MAP4: variants seen among roughly 807,000 people sequenced by gnomAD.
MAP4 encodes microtubule-associated protein 4.
Under a neutral mutation model 170.2 loss-of-function variants are expected in MAP4, and 76 were observed. That is an observed-to-expected ratio of 0.45 (90% CI 0.37 to 0.54). MAP4 has a LOEUF of 0.54. MAP4 is among the 20% of genes least tolerant of loss of function. The pLI is 0.00. For missense variants in MAP4, 2,506 were observed against 2,748.0 expected (o/e 0.91, Z 1.97); for synonymous variants, 909 against 994.5 (o/e 0.91, Z 1.62).
chr3:47,904,826 T>C (rs2100032027), intron 9 of MAP4, among the ~76,000 whole-genome samples: 1 of 151,492 alleles, frequency 6.6e-6, no homozygotes. Context: ...TGCAACATCA[T>C]GCGTGGCTAC....
intron 1 of MAP4, among the ~76,000 whole-genome samples, chr3:48,035,888 C>T (rs1284294680): frequency 2.0e-5 from 3 of 151,928 alleles, no homozygotes; most frequent in Non-Finnish European, 2.9e-5. Flanking sequence ...TGCAGTGAGC[C>T]GAGATCCCAC....
At position 47,909,148 on chromosome 3, in the gene MAP4, G is replaced by T. The variant is rs1162442819; in HGVS notation, c.5273C>A (p.Ala1758Glu). The change falls in exon 9 of 21, where the codon GCA becomes GAA. Residue 1758 changes from alanine (A) to glutamate (E), a missense_variant. Ala to Glu is a moderately radical substitution (Grantham distance 107). This residue lies in a region of MAP4 where 2,008 missense variants were observed against 2,206.0 expected (regional missense o/e 0.91). Coordinates refer to ENST00000683076, the MANE Select transcript of MAP4 (RefSeq NM_001385682.1). ...EGKKEDKSRM[A>E]EPMKGYMRPT... ...TCTCATGTAGCCTTTCATTGGTTCT[G>T]CCATTCTGCTTTTATCTTCCTTTTT... 1.9e-6 allele frequency: 3 copies of T among 1,613,742 alleles called. No individual in the cohort carries two copies. Among genetic ancestry groups the T allele is most frequent in the African/African-American group, 2.7e-5 (2 of 74,862 alleles).
intron 1 of MAP4, among the ~76,000 whole-genome samples, chr3:48,071,860 CG>C (rs2100141186): frequency 6.7e-6 from 1 of 149,404 alleles, no homozygotes; most frequent in African/African-American, 2.5e-5. Context: ...GCCAAGATCG[CG>C]CCACTTCACT....
At chr3:48,055,188 C>CTCCGTCTCCG (rs1559867127) in intron 1 of MAP4, among the ~76,000 whole-genome samples, 24 of 64,596 alleles carry the variant, frequency 3.7e-4, no homozygotes, top group African/African-American at 1.1e-3. Flanking sequence ...CTCCCTCTCC[C>CTCCGTCTCCG]TCTCCCTCTC....
upstream of MAP4, among the ~76,000 whole-genome samples, chr3:48,017,705 A>G (rs1272845195): frequency 2.0e-5 from 3 of 152,068 alleles, no homozygotes; most frequent in African/African-American, 7.2e-5. Flanking sequence ...CTCATTTGTG[A>G]AAGTCTTGAA....
intron 2 of MAP4, among the ~76,000 whole-genome samples, chr3:47,984,392 G>T (rs1025368418): frequency 6.6e-6 from 1 of 152,144 alleles, no homozygotes; most frequent in Admixed American, 6.5e-5. Flanking sequence ...ATTTCAACTG[G>T]CTTGGAAACC....
At chr3:48,058,153 T>G (rs2100133261) in intron 1 of MAP4, among the ~76,000 whole-genome samples, 1 of 152,084 alleles carries the variant, frequency 6.6e-6, no homozygotes. Flanking sequence ...TTAAAACAAG[T>G]GCAAAAAAGT....
intron 3 of MAP4, among the ~76,000 whole-genome samples, chr3:47,944,743 A>G (rs933539911): frequency 1.9e-4 from 29 of 151,872 alleles, no homozygotes; most frequent in African/African-American, 6.5e-4. Flanking sequence ...CATCTTTAAA[A>G]CACAAGTAAA....
At chr3:47,867,936 A>C (rs934813489) in intron 16 of MAP4, among the ~76,000 whole-genome samples, 1 of 152,218 alleles carries the variant, frequency 6.6e-6, no homozygotes, top group Non-Finnish European at 1.5e-5. Flanking sequence ...CAGAATCTCC[A>C]ACACCAGGGG....
At chr3:47,934,472 T>C (rs182737958) in intron 3 of MAP4, among the ~76,000 whole-genome samples, 2 of 152,278 alleles carry the variant, frequency 1.3e-5, no homozygotes, top group Admixed American at 1.3e-4. Context: ...CGGCTAATTA[T>C]TGTATTTTTG....
chr3:48,022,705 A>G (rs1055769411), intron 1 of MAP4, among the ~76,000 whole-genome samples: 4 of 152,190 alleles, frequency 2.6e-5, no homozygotes, highest in Non-Finnish European at 4.4e-5. Context: ...CCTAGCCAAC[A>G]TGGTGAAACC....
chr3:47,927,695 G>A (rs1035857249), intron 4 of MAP4, among the ~76,000 whole-genome samples: 2 of 152,040 alleles, frequency 1.3e-5, no homozygotes, highest in African/African-American at 4.8e-5. Flanking sequence ...GGCTTGTCTC[G>A]AACTCTCGAA....
In MAP4 at chr3:47,912,420, G is replaced by A; in HGVS notation, c.2001C>T (p.Ala667=). 3 of 1,459,820 alleles carry A rather than the reference G, an allele frequency of 2.1e-6. No homozygotes were observed. The highest frequency in any genetic ancestry group is 2.7e-5 in the South Asian group (2 of 73,842). 90.4% of individuals were successfully genotyped at this position (1,459,820 alleles called of 1,614,324 possible). ...GAGGGGTACCGCAATACATGAAGTTGGCTAAAATTCCAAACAAAAAACTCC... is the reference window on the plus strand; with the variant it reads ...GAGGGGTACCGCAATACATGAAGTTAGCTAAAATTCCAAACAAAAAACTCC... ...QPSELSSETS[A]NFMYCGTPPT... The change falls in exon 9 of 21, where the codon GCC becomes GCT. Residue 667 remains alanine, a splice_region_variant and synonymous_variant. Coordinates refer to ENST00000683076, the MANE Select transcript of MAP4 (RefSeq NM_001385682.1).
At chr3:48,040,910 A>T (rs1315097495) in intron 1 of MAP4, among the ~76,000 whole-genome samples, 2 of 151,886 alleles carry the variant, frequency 1.3e-5, no homozygotes, top group Non-Finnish European at 2.9e-5. Flanking sequence ...GTTGTTAGCC[A>T]GGCTGGTCTT....
At chr3:48,064,617 G>A (rs1019365332) in intron 1 of MAP4, among the ~76,000 whole-genome samples, 1 of 152,080 alleles carries the variant, frequency 6.6e-6, no homozygotes, top group East Asian at 1.9e-4. Context: ...AGGTGACCCC[G>A]TTGGGTGGTT....
intron 1 of MAP4, among the ~76,000 whole-genome samples, chr3:48,075,377 T>G (rs1452086666): frequency 6.6e-6 from 1 of 151,850 alleles, no homozygotes; most frequent in Non-Finnish European, 1.5e-5. Context: ...ATATAAAAAT[T>G]AGCTGGGTGT....
chr3:47,905,380 G>A (rs1050510334), intron 9 of MAP4, among the ~76,000 whole-genome samples: 4 of 152,042 alleles, frequency 2.6e-5, no homozygotes, highest in Non-Finnish European at 2.9e-5. Context: ...AAAGATCAAT[G>A]GATCAGGAAA....
intron 3 of MAP4, among the ~76,000 whole-genome samples, chr3:47,938,343 G>A (rs553391904): frequency 6.6e-6 from 1 of 152,172 alleles, no homozygotes; most frequent in South Asian, 2.1e-4. Context: ...ACCCAGCCTG[G>A]GCGACAGAGC....
chr3:47,912,612 C>A (rs549769178), intron 8 of MAP4, among the ~76,000 whole-genome samples, 191 bp from the exon 9 acceptor site: 1 of 152,260 alleles, frequency 6.6e-6, no homozygotes, highest in East Asian at 1.9e-4. Flanking sequence ...TTAACTGGCG[C>A]TAGCAAAAAT....
Sources: allele counts gnomAD v4.1 joint callset (sites outside exome capture counted in the v4.1 genomes callset), GRCh38; gene constraint gnomAD v4.1.1; regional missense constraint gnomAD v4.1.1; transcripts MANE v1.5; gene names NCBI Gene and HGNC (gene_info 2026-07-23, HGNC 2026-07-21).